PSMG2: variants seen among roughly 807,000 people sequenced by gnomAD.
PSMG2 encodes CD40 ligand-activated specific transcript 3.
In PSMG2, 21 loss-of-function variants were observed where a neutral mutation model predicts 31.5. That is an observed-to-expected ratio of 0.67 (90% CI 0.47 to 0.96). The LOEUF is 0.96. PSMG2 is among the 40% of genes least tolerant of loss of function. The pLI is 0.00. For missense variants in PSMG2, 318 were observed against 321.2 expected, an observed-to-expected ratio of 0.99 and a Z score of 0.08; for synonymous variants, 120 against 110.4, an observed-to-expected ratio of 1.09 and a Z score of -0.54.
At chr18:12,719,812 C>T (rs1406741630) in intron 4 of PSMG2, among the ~76,000 whole-genome samples, 1 of 146,284 alleles carries the variant, frequency 6.8e-6, no homozygotes, top group Non-Finnish European at 1.5e-5. Flanking sequence ...CAACCTCTGC[C>T]TCCTGGGTTC....
At chr18:12,693,171 AGAT>A (rs1341810113) in intron 1 of PSMG2, among the ~76,000 whole-genome samples, 2 of 152,228 alleles carry the variant, frequency 1.3e-5, no homozygotes, top group Middle Eastern at 6.3e-3. Flanking sequence ...TTTATTTATC[AGAT>A]AATAGAATAA....
upstream of PSMG2, chr18:12,699,222 T>C (rs778729435): frequency 1.3e-6 from 2 of 1,515,284 alleles, no homozygotes; most frequent in Non-Finnish European, 1.8e-6. Context: ...TGTAGCAATA[T>C]ATATGAGGAA....
chr18:12,702,808 G>C, upstream of PSMG2: 1 of 561,910 alleles, frequency 1.8e-6, no homozygotes, highest in East Asian at 3.3e-5. Flanking sequence ...CTGCCTGATC[G>C]TTTCCGCCCG....
chr18:12,721,407 TCA>T (rs1229373569), intron 5 of PSMG2, among the ~76,000 whole-genome samples: 5 of 152,206 alleles, frequency 3.3e-5, no homozygotes, highest in African/African-American at 1.2e-4. Context: ...TTTACATTTA[TCA>T]CACATTTTAA....
In PSMG2 at chr18:12,661,375, G is replaced by A. The variant is rs2038693019; in HGVS notation, c.-37+2602G>A. 8.1e-6 allele frequency: 8 copies of A among 984,332 alleles called. No homozygotes were observed. In the South Asian group the frequency reaches 2.8e-4, roughly 35 times the overall value. The allele number at this position is 984,332 out of a possible 1,614,324, so 61.0% of individuals were successfully genotyped here. ...TCATCACAACACTCTGAAAGTGACT[G>A]CTGACCACTCAAAGGCTACCAGCCA... is the stretch of plus-strand genomic sequence containing the variant. On this transcript the variant is annotated intron_variant, in intron 1 of 6. Coordinates refer to the PSMG2 transcript ENST00000585331.
At chr18:12,662,100 G>T in intron 1 of PSMG2, 1 of 427,912 alleles carries the variant, frequency 2.3e-6, no homozygotes, top group South Asian at 1.7e-5. Flanking sequence ...CTTTCAGGGA[G>T]CACCATCACT....
chr18:12,720,470 T>C (rs1476683987), intron 4 of PSMG2, 40 bp from the exon 5 acceptor site: 2 of 1,477,938 alleles, frequency 1.4e-6, no homozygotes, highest in East Asian at 2.3e-5. Context: ...CGATGTTTGC[T>C]TTAGAGTTTT....
chr18:12,718,493 T>G, intron 3 of PSMG2, 24 bp from the exon 4 acceptor site: 5 of 1,473,652 alleles, frequency 3.4e-6, no homozygotes, highest in Non-Finnish European at 4.6e-6. Context: ...GATTTTCTTT[T>G]TATTCTCTCA....
chr18:12,662,085 T>G (rs932679439), intron 1 of PSMG2: 28 of 420,696 alleles, frequency 6.7e-5, no homozygotes, highest in Non-Finnish European at 1.2e-4. Flanking sequence ...TGTGCTGCTC[T>G]GAGTCTTTCA....
intron 5 of PSMG2, 100 bp from the exon 6 acceptor site, chr18:12,724,399 C>G: frequency 8.0e-7 from 1 of 1,254,700 alleles, no homozygotes; most frequent in African/African-American, 1.6e-5. Context: ...CTTTTCCTTT[C>G]CTAAACCAGG....
chr18:12,678,077 T>C lies in PSMG2; in HGVS notation c.-37+19304T>C. On this transcript the variant is annotated intron_variant, in intron 1 of 6. Coordinates refer to the PSMG2 transcript ENST00000585331. ...AGTTAAATACATAAATGAAAAGAAG[T>C]ATGAAACTACAACTATTTCAGTGTG... 2.0e-6 allele frequency: 3 copies of C among 1,533,364 alleles called. No homozygotes were observed. In the South Asian group the frequency reaches 3.4e-5, roughly 17 times the overall value. The allele number at this position is 1,533,364 out of a possible 1,614,324, so 95.0% of individuals were successfully genotyped here.
intron 1 of PSMG2, among the ~76,000 whole-genome samples, chr18:12,663,642 A>G (rs1240814468): frequency 6.6e-6 from 1 of 152,254 alleles, no homozygotes; most frequent in Non-Finnish European, 1.5e-5. Flanking sequence ...GAGAATTATC[A>G]ATAAAATTTT....
chr18:12,680,554 G>C, intron 1 of PSMG2: 3 of 731,582 alleles, frequency 4.1e-6, no homozygotes, highest in Non-Finnish European at 6.2e-6. Context: ...CTGAGATTGT[G>C]CCAGTGCACT....
chr18:12,703,194 G>A, intron 1 of PSMG2, 30 bp downstream of exon 1: 1 of 1,583,392 alleles, frequency 6.3e-7, no homozygotes, highest in Non-Finnish European at 8.6e-7. Context: ...CGGGGCTGCC[G>A]CCTCCCGAGG....
chr18:12,697,208 T>G (rs749366947), intron 1 of PSMG2: 2 of 1,559,030 alleles, frequency 1.3e-6, no homozygotes, highest in African/African-American at 1.4e-5. Context: ...AACAATGATA[T>G]ATTAATCACC....
At chr18:12,665,586 C>T (rs2038786377) in intron 1 of PSMG2, among the ~76,000 whole-genome samples, 2 of 152,168 alleles carry the variant, frequency 1.3e-5, no homozygotes, top group East Asian at 3.8e-4. Flanking sequence ...TCTAATCCTT[C>T]TTAAGAGATG....
intron 5 of PSMG2, among the ~76,000 whole-genome samples, chr18:12,721,420 C>T (rs2040429618): frequency 6.6e-6 from 1 of 152,042 alleles, no homozygotes. Context: ...CACATTTTAA[C>T]TATATTTAAG....
chr18:12,708,691 T>C (rs1467693374), intron 2 of PSMG2, among the ~76,000 whole-genome samples: 1 of 146,796 alleles, frequency 6.8e-6, no homozygotes, highest in Admixed American at 6.9e-5. Context: ...ATTTAATCTT[T>C]ACAACGTTCT....
At chr18:12,697,702 T>C (rs2040005134) in intron 1 of PSMG2, among the ~76,000 whole-genome samples, 1 of 152,200 alleles carries the variant, frequency 6.6e-6, no homozygotes, top group African/African-American at 2.4e-5. Flanking sequence ...CTAAAGTATA[T>C]GCTACTACAA....
Sources: allele counts gnomAD v4.1 joint callset (sites outside exome capture counted in the v4.1 genomes callset), GRCh38; gene constraint gnomAD v4.1.1; transcripts MANE v1.5; gene names NCBI Gene and HGNC (gene_info 2026-07-23, HGNC 2026-07-21).